Variants in AUTS2 observed in about 807,000 individuals in gnomAD.
The protein encoded by AUTS2 is autism susceptibility gene 2 protein.
Under a neutral mutation model 112.4 loss-of-function variants are expected in AUTS2, and 17 were observed. That is an observed-to-expected ratio of 0.15 (90% CI 0.10 to 0.23). The LOEUF is 0.23. Among genes scored for constraint, AUTS2 ranks in the 10% least tolerant of loss-of-function variants. AUTS2 has a pLI of 1.00. For synonymous variants in AUTS2, 751 were observed against 702.7 expected (o/e 1.07, Z -1.09); for missense variants, 1,510 against 1,701.6 (o/e 0.89, Z 1.98).
intron 4 of AUTS2, among the ~76,000 whole-genome samples, chr7:70,271,909 T>G (rs1048112936): frequency 3.3e-5 from 5 of 152,214 alleles, no homozygotes; most frequent in Non-Finnish European, 5.9e-5. Flanking sequence ...AGGTTCAATG[T>G]AATTTCATGT....
chr7:70,165,385 G>GC (rs1562755128), intron 4 of AUTS2, among the ~76,000 whole-genome samples: 1 of 152,090 alleles, frequency 6.6e-6, no homozygotes, highest in African/African-American at 2.4e-5. Flanking sequence ...GAAAATCAAA[G>GC]ATAAAGAAGT....
At chr7:70,493,324 A>G (rs1051244120) in intron 5 of AUTS2, among the ~76,000 whole-genome samples, 10 of 152,242 alleles carry the variant, frequency 6.6e-5, no homozygotes, top group Non-Finnish European at 1.3e-4. Flanking sequence ...ATGCAGTAGC[A>G]TGTGAGTACA....
intron 16 of AUTS2, 105 bp from the exon 17 acceptor site, chr7:70,785,850 G>T (rs1341896827): frequency 1.6e-5 from 16 of 1,013,790 alleles, no homozygotes; most frequent in Non-Finnish European, 2.0e-5. Context: ...CCAGGTGGGG[G>T]CGTAGAGAGG....
intron 1 of AUTS2, among the ~76,000 whole-genome samples, chr7:69,849,199 G>A (rs1792349565): frequency 6.6e-6 from 1 of 152,088 alleles, no homozygotes; most frequent in African/African-American, 2.4e-5. Context: ...AACAAGACGT[G>A]GGGTCCAGCT....
intron 2 of AUTS2, among the ~76,000 whole-genome samples, chr7:70,065,010 A>G (rs1430587071): frequency 6.6e-6 from 1 of 152,180 alleles, no homozygotes; most frequent in East Asian, 1.9e-4. Context: ...AAATGAATGA[A>G]TGAATGACCA....
intron 1 of AUTS2, among the ~76,000 whole-genome samples, chr7:69,652,960 C>T (rs1054694392): frequency 4.6e-5 from 7 of 152,216 alleles, no homozygotes; most frequent in Non-Finnish European, 1.5e-5. Flanking sequence ...AAATGAGGTT[C>T]GTAGTGCTTT....
rs553689614 is a variant in AUTS2 at position 69,904,350 on chromosome 7, G to C, written c.522+4852G>C. Among the ~76,000 whole-genome samples the C allele has an allele frequency of 3.9e-5, 6 of 152,308 alleles. No homozygotes were observed. The South Asian group carries it at 1.0e-3, about 26-fold the overall frequency. On this transcript the variant is annotated intron_variant, in intron 2 of 18. Coordinates refer to ENST00000342771, the MANE Select transcript of AUTS2 (RefSeq NM_015570.4). ...AACTTGCAAAGGAGGATTTATAATG[G>C]AAAACTTTGATTAAACGGATCCAGT...
chr7:70,644,501 C>CCA (rs999519719), intron 5 of AUTS2, among the ~76,000 whole-genome samples: 4 of 152,128 alleles, frequency 2.6e-5, no homozygotes, highest in Admixed American at 1.3e-4. Flanking sequence ...GAACTGTCTC[C>CCA]CACACCCTTT....
chr7:69,892,993 G>A (rs1250936368), intron 1 of AUTS2, among the ~76,000 whole-genome samples: 1 of 152,136 alleles, frequency 6.6e-6, no homozygotes, highest in Non-Finnish European at 1.5e-5. Flanking sequence ...GTGAAAGATG[G>A]CACTACAGAG....
chr7:69,849,081 C>G (rs1792343325), intron 1 of AUTS2, among the ~76,000 whole-genome samples: 1 of 152,110 alleles, frequency 6.6e-6, no homozygotes, highest in Non-Finnish European at 1.5e-5. Flanking sequence ...ACTGGGGAAG[C>G]TGAGGCAAGA....
chr7:70,723,472 C>T (rs1405453847), intron 6 of AUTS2, among the ~76,000 whole-genome samples: 1 of 151,956 alleles, frequency 6.6e-6, no homozygotes, highest in African/African-American at 2.4e-5. Context: ...GCAAATGGCA[C>T]ACCTGGATTT....
At chr7:69,742,113 T>G (rs1205400248) in intron 1 of AUTS2, among the ~76,000 whole-genome samples, 1 of 75,918 alleles carries the variant, frequency 1.3e-5, no homozygotes, top group Admixed American at 1.4e-4. Context: ...TATTTTACCT[T>G]TTTTTTTTTT....
At chr7:70,741,006 A>G (rs1788071412) in intron 6 of AUTS2, among the ~76,000 whole-genome samples, 1 of 151,950 alleles carries the variant, frequency 6.6e-6, no homozygotes, top group East Asian at 1.9e-4. Flanking sequence ...AGGCAAGAGA[A>G]TTGCTTGAAC....
chr7:69,868,962 C>T (rs1793359658), intron 1 of AUTS2, among the ~76,000 whole-genome samples: 1 of 152,120 alleles, frequency 6.6e-6, no homozygotes, highest in Non-Finnish European at 1.5e-5. Flanking sequence ...GCCTTTGGTT[C>T]AGTGCATACC....
At chr7:69,773,508 T>A (rs116688592) in intron 1 of AUTS2, among the ~76,000 whole-genome samples, 16,527 of 150,568 alleles carry the variant, frequency 0.11, 1,524 homozygotes, top group African/African-American at 0.25. Context: ...CCCAAGCCTT[T>A]GGCTTGGGGA....
intron 2 of AUTS2, among the ~76,000 whole-genome samples, chr7:70,060,867 T>G (rs896263480): frequency 6.6e-6 from 1 of 152,122 alleles, no homozygotes; most frequent in Non-Finnish European, 1.5e-5. Context: ...CTGACTGAGG[T>G]AGGTATTTCT....
intron 4 of AUTS2, among the ~76,000 whole-genome samples, chr7:70,211,991 G>C (rs957584879): frequency 6.6e-6 from 1 of 152,172 alleles, no homozygotes; most frequent in Non-Finnish European, 1.5e-5. Flanking sequence ...GTCTCAAAGA[G>C]AGAGAGAGAC....
intron 4 of AUTS2, among the ~76,000 whole-genome samples, chr7:70,234,819 T>G (rs900230037): frequency 6.6e-6 from 1 of 152,118 alleles, no homozygotes; most frequent in African/African-American, 2.4e-5. Flanking sequence ...TCTTCACACC[T>G]GGAATATTGA....
At chr7:70,016,860 G>T (rs1270836554) in intron 2 of AUTS2, among the ~76,000 whole-genome samples, 1 of 152,026 alleles carries the variant, frequency 6.6e-6, no homozygotes, top group African/African-American at 2.4e-5. Context: ...TAGAGACAGG[G>T]TTTCACCATG....
Sources: allele counts gnomAD v4.1 joint callset (sites outside exome capture counted in the v4.1 genomes callset), GRCh38; gene constraint gnomAD v4.1.1; transcripts MANE v1.5; gene names NCBI Gene and HGNC (gene_info 2026-07-23, HGNC 2026-07-21).